ST3GAL5: variants seen among roughly 807,000 people sequenced by gnomAD.
ST3GAL5 encodes ST3 beta-galactoside alpha-2,3-sialyltransferase 5, also known as lactosylceramide alpha-2,3-sialyltransferase.
In ST3GAL5, 25 loss-of-function variants were observed where a neutral mutation model predicts 46.1. That is an observed-to-expected ratio of 0.54 (90% confidence interval 0.40 to 0.76). The LOEUF is 0.76. Among genes scored for constraint, ST3GAL5 ranks in the 30% least tolerant of loss-of-function variants. The probability of loss-of-function intolerance (pLI) is 0.00; values close to 1 mark genes in which losing one functional copy is unlikely to be tolerated. For missense variants in ST3GAL5, 431 were observed against 521.2 expected (o/e 0.83, Z 1.69); for synonymous variants, 182 against 192.7 (o/e 0.94, Z 0.46).
intron 3 of ST3GAL5, chr2:85,851,477 A>G: frequency 7.9e-7 from 1 of 1,270,914 alleles, no homozygotes; most frequent in Non-Finnish European, 1.0e-6. Context: ...CACTCAGAAC[A>G]GGAGGACCAC....
intron 4 of ST3GAL5, 79 bp downstream of exon 4, chr2:85,847,778 GGAGT>G: frequency 1.3e-6 from 2 of 1,516,096 alleles, no homozygotes; most frequent in Non-Finnish European, 1.8e-6. Context: ...CTGGACAACA[GGAGT>G]GAGACCCTGC....
intron 1 of ST3GAL5, among the ~76,000 whole-genome samples, chr2:85,871,799 G>A (rs933771293): frequency 2.0e-5 from 3 of 152,146 alleles, no homozygotes; most frequent in Non-Finnish European, 4.4e-5. Flanking sequence ...TTGTAATGTC[G>A]GGAGGGGGCT....
At position 85,869,814 on chromosome 2, in the gene ST3GAL5, G is replaced by A. The variant is rs192940146; in HGVS notation, c.83-6329C>T. 3.9e-5 allele frequency among the ~76,000 whole-genome samples: 6 copies of A among 152,246 alleles called. No individual in the cohort carries two copies. In the East Asian group the frequency reaches 9.7e-4, roughly 25 times the overall value. ...GGTGAGTGAATCCCAACGGACAAAG[G>A]ATGACAGAGGCCCCTCCCTTCAGAA... On this transcript the variant is annotated intron_variant, in intron 1 of 6. Transcript: ENST00000638572.
At chr2:85,886,928 G>A (rs1358605707) in intron 1 of ST3GAL5, among the ~76,000 whole-genome samples, 2 of 152,148 alleles carry the variant, frequency 1.3e-5, no homozygotes, top group African/African-American at 4.8e-5. Context: ...CATGCCCTTC[G>A]GGAGTGATCT....
At chr2:85,880,887 T>G (rs776747812) in intron 1 of ST3GAL5, 6 of 518,112 alleles carry the variant, frequency 1.2e-5, no homozygotes, top group Non-Finnish European at 1.9e-5. Flanking sequence ...CTATTTTAAC[T>G]TATCTATGTT....
At chr2:85,881,859 C>T (rs921159631) in intron 1 of ST3GAL5, among the ~76,000 whole-genome samples, 3 of 152,202 alleles carry the variant, frequency 2.0e-5, no homozygotes, top group African/African-American at 7.2e-5. Context: ...AGCAAGGAGA[C>T]TAATGTTAAT....
At chr2:85,880,840 C>A in intron 1 of ST3GAL5, 1 of 499,270 alleles carries the variant, frequency 2.0e-6, no homozygotes, top group South Asian at 1.5e-5. Flanking sequence ...AAAAAAAAAA[C>A]TCTCATAATC....
At chr2:85,889,008 C>T (rs947227790), upstream of ST3GAL5, 13 of 884,614 alleles carry the variant, frequency 1.5e-5, no homozygotes, top group African/African-American at 9.0e-5. Context: ...GCCGCTCCCC[C>T]GCTCAGATGC....
intron 4 of ST3GAL5, among the ~76,000 whole-genome samples, chr2:85,846,972 TCTGTAGAGACAAG>T (rs1312714128): frequency 1.3e-5 from 2 of 152,228 alleles, no homozygotes; most frequent in African/African-American, 4.8e-5. Context: ...TTTTTGATTT[TCTGTAGAGACAAG>T]CTGTCTCTAT....
At chr2:85,858,003 T>C (rs760738433) in intron 3 of ST3GAL5, 3 of 152,204 alleles carry the variant, frequency 2.0e-5, no homozygotes, top group Non-Finnish European at 4.4e-5. Flanking sequence ...GAGAGGCTCG[T>C]ATGAATTAGG....
chr2:85,877,607 G>A (rs569214312), intron 1 of ST3GAL5, among the ~76,000 whole-genome samples: 4 of 152,340 alleles, frequency 2.6e-5, no homozygotes, highest in East Asian at 1.9e-4. Flanking sequence ...TTCCACTGTC[G>A]AGTTGACTAT....
At chr2:85,868,894 C>T (rs1447803151) in intron 1 of ST3GAL5, among the ~76,000 whole-genome samples, 2 of 152,148 alleles carry the variant, frequency 1.3e-5, no homozygotes, top group Admixed American at 1.3e-4. Flanking sequence ...GCTGGGATTA[C>T]AGGCGTGAGC....
At chr2:85,888,563 G>T in intron 1 of ST3GAL5, 1 of 258,624 alleles carries the variant, frequency 3.9e-6, no homozygotes. Context: ...ACTGCGGCGG[G>T]ACCCGACACC....
At chr2:85,845,820 C>A (rs1325626189) in intron 5 of ST3GAL5, 2 of 155,392 alleles carry the variant, frequency 1.3e-5, no homozygotes, top group Non-Finnish European at 1.4e-5. Context: ...CCCACTAGCT[C>A]CTAGTATTTG....
chr2:85,863,249 C>T (rs1010991262), intron 2 of ST3GAL5, 113 bp downstream of exon 2: 2 of 1,580,316 alleles, frequency 1.3e-6, no homozygotes, highest in African/African-American at 1.4e-5. Context: ...ATCCTTTGAC[C>T]AAGCATGCCT....
chr2:85,855,988 T>A (rs1684061594), intron 3 of ST3GAL5: 1 of 152,222 alleles, frequency 6.6e-6, no homozygotes, highest in South Asian at 2.1e-4. Flanking sequence ...TCTGGTACCT[T>A]GCTTACAAGA....
At chr2:85,842,302 C>T (rs1309097442) in intron 6 of ST3GAL5, among the ~76,000 whole-genome samples, 2 of 152,186 alleles carry the variant, frequency 1.3e-5, no homozygotes, top group African/African-American at 4.8e-5. Context: ...AACCATGTAC[C>T]CCCAGTGACC....
chr2:85,850,494 A>G (rs567149858), intron 3 of ST3GAL5: 3 of 152,244 alleles, frequency 2.0e-5, no homozygotes, highest in African/African-American at 7.2e-5. Context: ...GGAGGGGCTC[A>G]CCCCTGGCCA....
intron 1 of ST3GAL5, chr2:85,866,004 G>C (rs558234998): frequency 3.5e-4 from 54 of 152,360 alleles, no homozygotes; most frequent in Non-Finnish European, 6.3e-4. Context: ...TGCAGCAGTC[G>C]TGTGCATTCG....
Sources: gnomAD v4.1 joint callset for allele counts (sites outside exome capture counted in the v4.1 genomes callset) on GRCh38, gnomAD v4.1.1 for gene constraint, MANE v1.5 for transcripts, NCBI Gene and HGNC (gene_info 2026-07-23, HGNC 2026-07-21) for gene names.